Variants in ANKRD54 observed in about 807,000 individuals in gnomAD.
ANKRD54 encodes the protein ankyrin repeat domain-containing protein 54.
A neutral mutation model predicts 36.2 loss-of-function variants in ANKRD54; 26 were observed. That is an observed-to-expected ratio of 0.72 (90% CI 0.53 to 1.00). The LOEUF is 1.00. ANKRD54 is among the 50% of genes least tolerant of loss of function. ANKRD54 has a pLI of 0.00. For synonymous variants in ANKRD54, 209 were observed against 188.4 expected, an observed-to-expected ratio of 1.11 and a Z score of -0.89; for missense variants, 384 against 424.3, an observed-to-expected ratio of 0.91 and a Z score of 0.83.
chr22:37,848,690 C>T (rs1924979255), upstream of ANKRD54: 2 of 151,782 alleles, frequency 1.3e-5, no homozygotes, highest in South Asian at 4.2e-4. Context: ...GCCATCGCGC[C>T]CGGCCAAATC....
rs1208281760 is a variant in ANKRD54 at position 37,831,302 on chromosome 22, T to C, written c.*641A>G. 6.6e-6 allele frequency: 1 copy of C among 152,226 alleles called. No individual in the cohort carries two copies. Among genetic ancestry groups the C allele is most frequent in the Non-Finnish European group, 1.5e-5 (1 of 68,100 alleles). The allele number at this position is 152,226 out of a possible 1,614,324, so 9.4% of individuals were successfully genotyped here. ...GCAGCAAAACTATTACACCCTCCGG[T>C]ATAATAGTTTTGGTGTTTCAATGAC... On this transcript the variant is annotated 3_prime_UTR_variant, in exon 8 of 8. Coordinates refer to ENST00000215941, the MANE Select transcript of ANKRD54 (RefSeq NM_138797.4).
Position 37,844,271 on chromosome 22 carries a change from G to T in ANKRD54, c.-33C>A, listed in dbSNP as rs1601742018. On this transcript the variant is annotated 5_prime_UTR_variant, in exon 1 of 8. Transcript: ENST00000215941. ...GCTCCGCGCGGGCCTGGCCGCCTGA[G>T]CCTCGTTCCCGACCGACCAACGGAC... 6.5e-7 allele frequency: 1 copy of T among 1,542,324 alleles called. No individual in the cohort carries two copies. Among genetic ancestry groups the T allele is most frequent in the East Asian group, 2.6e-5 (1 of 38,708 alleles).
At chr22:37,841,885 AAAT>A (rs1193605189) in intron 1 of ANKRD54, among the ~76,000 whole-genome samples, 4 of 26,696 alleles carry the variant, frequency 1.5e-4, no homozygotes, top group Admixed American at 3.9e-4. Flanking sequence ...ATAAATAAAT[AAAT>A]AAATAAATAA....
At chr22:37,845,714 CAA>C (rs1428062127), upstream of ANKRD54, among the ~76,000 whole-genome samples, 1 of 151,986 alleles carries the variant, frequency 6.6e-6, no homozygotes. Flanking sequence ...ACTAAAAATA[CAA>C]AAATTAGCTG....
In ANKRD54 at chr22:37,832,685, G is replaced by C. The variant is rs920593053; in HGVS notation, c.780C>G (p.Arg260=). ...ERLGQHEQRE[R]LDDLCTRLQM... Reference sequence around the variant, plus strand: ...GCAGGCGGGTGCAGAGGTCATCCAGGCGTTCTCGCTGCTCATGTTGCCCTA... The same window carrying C: ...GCAGGCGGGTGCAGAGGTCATCCAGCCGTTCTCGCTGCTCATGTTGCCCTA... The change falls in exon 7 of 8, where the codon CGC becomes CGG. Residue 260 remains arginine (R), a synonymous_variant. Transcript: ENST00000215941. 2 of 1,614,030 alleles carry C rather than the reference G, an allele frequency of 1.2e-6. No individual in the cohort carries two copies. The highest frequency in any genetic ancestry group is 2.7e-5 in the African/African-American group (2 of 74,928).
In ANKRD54 at chr22:37,831,651, T is replaced by C. The variant is rs1357527290; in HGVS notation, c.*292A>G. 6 of 454,696 alleles carry C rather than the reference T, an allele frequency of 1.3e-5. No individual in the cohort carries two copies. The highest frequency in any genetic ancestry group is 1.6e-5 in the Non-Finnish European group (4 of 248,296). The allele number at this position is 454,696 out of a possible 1,614,324, so 28.2% of individuals were successfully genotyped here. A position where few individuals can be genotyped will look rare whatever the true frequency, so the allele number is the denominator to read the frequency against. ...ATGGGGCAAGTGAGGTCTGCTGAGA[T>C]AGCGCAGGTCTGCGGAGCTGAAGTG... On this transcript the variant is annotated 3_prime_UTR_variant, in exon 8 of 8. Transcript: ENST00000215941.
intron 6 of ANKRD54, 94 bp downstream of exon 6, chr22:37,832,864 G>C: frequency 6.2e-7 from 1 of 1,603,068 alleles, no homozygotes. Flanking sequence ...CAACCCAGGA[G>C]CCCTGGGACC....
rs1923097084 is a variant in ANKRD54, at chr22:37,833,088, G to T, written c.596-6C>A. On this transcript the variant is annotated splice_region_variant and splice_polypyrimidine_tract_variant and intron_variant, in intron 5 of 7. Coordinates refer to ENST00000215941, the MANE Select transcript of ANKRD54 (RefSeq NM_138797.4). ...CAGGGCATCTACACGGGCCCCTGCAGGTACCAGCTGAGGTGAGCATTCTGG... is the reference window on the plus strand; with the variant it reads ...CAGGGCATCTACACGGGCCCCTGCATGTACCAGCTGAGGTGAGCATTCTGG... 1 of 1,614,006 alleles carries T rather than the reference G, an allele frequency of 6.2e-7. No individual in the cohort carries two copies. The highest frequency in any genetic ancestry group is 1.3e-5 in the African/African-American group (1 of 74,922).
chr22:37,838,416 G>A, intron 3 of ANKRD54, 84 bp downstream of exon 3: 1 of 1,343,640 alleles, frequency 7.4e-7, no homozygotes, highest in Non-Finnish European at 1.0e-6. Context: ...TCCCAAGGCT[G>A]TGCAGACAGC....
rs993720624 is a variant in ANKRD54, at chr22:37,838,750, A to C, written c.377-152T>G. 9.9e-5 allele frequency: 70 copies of C among 710,048 alleles called. No homozygotes were observed. In the East Asian group the frequency reaches 1.9e-3, roughly 20 times the overall value. 44.0% of individuals were successfully genotyped at this position (710,048 alleles called of 1,614,324 possible). ...GCAGCCCTTCCTAGATGCTGGTCCT[A>C]TGGGAACAAGCAACTTGTTCTTCTG... On this transcript the variant is annotated intron_variant, in intron 2 of 7. Transcript: ENST00000215941.
chr22:37,845,932 T>G (rs1924817188), upstream of ANKRD54, among the ~76,000 whole-genome samples: 1 of 151,974 alleles, frequency 6.6e-6, no homozygotes, highest in Non-Finnish European at 1.5e-5. Flanking sequence ...CCCAGCATTT[T>G]GGGAGGCTGA....
chr22:37,838,477 C>A, intron 3 of ANKRD54, 23 bp downstream of exon 3: 2 of 1,599,276 alleles, frequency 1.3e-6, no homozygotes, highest in African/African-American at 2.7e-5. Context: ...AGCCCTACTC[C>A]CTCCTCCCTC....
At chr22:37,840,038 AG>A (rs1276361703) in intron 2 of ANKRD54, 148 bp downstream of exon 2, 1 of 920,312 alleles carries the variant, frequency 1.1e-6, no homozygotes, top group Non-Finnish European at 1.7e-6. Flanking sequence ...ACCTTCAGCA[AG>A]ATGACTGCAC....
At chr22:37,848,971 A>C (rs1421708164), upstream of ANKRD54, 1 of 208,850 alleles carries the variant, frequency 4.8e-6, no homozygotes, top group Non-Finnish European at 9.5e-6. Flanking sequence ...AGAGAGGAAA[A>C]TTCAGGCTAC....
At chr22:37,846,364 G>A (rs1026752337), upstream of ANKRD54, among the ~76,000 whole-genome samples, 4 of 152,070 alleles carry the variant, frequency 2.6e-5, no homozygotes, top group Admixed American at 6.5e-5. Flanking sequence ...TGTCACTCAG[G>A]CTGGAGTGCA....
chr22:37,847,732 T>G (rs538871264), upstream of ANKRD54: 4 of 438,772 alleles, frequency 9.1e-6, no homozygotes, highest in South Asian at 5.4e-5. Context: ...CTGTGACTCT[T>G]CCTTGGTTCA....
chr22:37,841,750 A>C (rs916567305), intron 1 of ANKRD54, among the ~76,000 whole-genome samples: 5 of 151,922 alleles, frequency 3.3e-5, no homozygotes, highest in South Asian at 2.1e-4. Flanking sequence ...CAGGAGGCTA[A>C]GGCAGGAGAA....
intron 3 of ANKRD54, chr22:37,834,530 A>G (rs1358039765): frequency 2.6e-5 from 4 of 151,342 alleles, no homozygotes; most frequent in African/African-American, 9.7e-5. Flanking sequence ...CCCTTTCTCT[A>G]TACTAAAAAC....
upstream of ANKRD54, chr22:37,849,231 A>C: frequency 4.9e-6 from 3 of 607,736 alleles, no homozygotes; most frequent in Non-Finnish European, 9.0e-6. Flanking sequence ...GCCTCAGGTG[A>C]TCCGCCCGCC....
Sources: gnomAD v4.1 joint callset for allele counts (sites outside exome capture counted in the v4.1 genomes callset) on GRCh38, gnomAD v4.1.1 for gene constraint, MANE v1.5 for transcripts, NCBI Gene and HGNC (gene_info 2026-07-23, HGNC 2026-07-21) for gene names.